PARD3B: variants seen among roughly 807,000 people sequenced by gnomAD.
The protein encoded by PARD3B is par-3 family cell polarity regulator beta.
Under a neutral mutation model 130.2 loss-of-function variants are expected in PARD3B, and 103 were observed. That is an observed-to-expected ratio of 0.79 (90% confidence interval 0.67 to 0.93). PARD3B has a LOEUF of 0.93. Ranked by LOEUF, PARD3B falls within the 40% of genes least tolerant of loss-of-function variation. The pLI is 0.00. For synonymous variants in PARD3B, 583 were observed against 553.2 expected, an observed-to-expected ratio of 1.05 and a Z score of -0.76; for missense variants, 1,609 against 1,499.2, an observed-to-expected ratio of 1.07 and a Z score of -1.21.
At chr2:205,359,297 A>C (rs1290236718) in intron 18 of PARD3B, among the ~76,000 whole-genome samples, 1 of 152,206 alleles carries the variant, frequency 6.6e-6, no homozygotes, top group Non-Finnish European at 1.5e-5. Context: ...AAATCACTTG[A>C]ATTTCTCTAG....
chr2:205,086,198 G>T (rs557705442), intron 4 of PARD3B, among the ~76,000 whole-genome samples: 127 of 152,220 alleles, frequency 8.3e-4, no homozygotes, highest in Non-Finnish European at 1.6e-3. Context: ...TGTTATTTTA[G>T]TGAAGCCTTC....
At chr2:205,024,366 G>A (rs1440146477) in intron 3 of PARD3B, among the ~76,000 whole-genome samples, 2 of 151,490 alleles carry the variant, frequency 1.3e-5, no homozygotes, top group African/African-American at 2.4e-5. Flanking sequence ...ATGGGGTTTT[G>A]CCATGTTGGG....
chr2:204,644,983 C>T (rs1395133823), intron 1 of PARD3B, among the ~76,000 whole-genome samples: 1 of 151,948 alleles, frequency 6.6e-6, no homozygotes, highest in Non-Finnish European at 1.5e-5. Flanking sequence ...AGTTGTTGAC[C>T]AAAGTACATT....
At chr2:204,759,780 A>G (rs1257538042) in intron 2 of PARD3B, among the ~76,000 whole-genome samples, 3 of 152,086 alleles carry the variant, frequency 2.0e-5, no homozygotes, top group Admixed American at 2.0e-4. Context: ...ATGTGATTAT[A>G]CCTGTTTTCT....
intron 6 of PARD3B, among the ~76,000 whole-genome samples, chr2:205,117,318 C>T (rs947125394): frequency 6.6e-6 from 1 of 152,220 alleles, no homozygotes; most frequent in Admixed American, 6.5e-5. Context: ...GACCCCACTG[C>T]ACACTTGTGC....
intron 1 of PARD3B, among the ~76,000 whole-genome samples, chr2:204,632,579 C>A (rs755556597): frequency 2.6e-5 from 4 of 152,188 alleles, no homozygotes; most frequent in African/African-American, 9.6e-5. Context: ...GCTCCATACC[C>A]TAGGTGCCTG....
chr2:205,245,899 G>C, intron 16 of PARD3B, 77 bp downstream of exon 16: 4 of 1,243,940 alleles, frequency 3.2e-6, no homozygotes, highest in Non-Finnish European at 4.7e-6. Context: ...GTTGGAACCT[G>C]TTTCTATCCA....
chr2:204,697,474 A>G (rs1315902728), intron 2 of PARD3B, among the ~76,000 whole-genome samples: 1 of 152,126 alleles, frequency 6.6e-6, no homozygotes, highest in Admixed American at 6.5e-5. Flanking sequence ...CAGCTTCTCA[A>G]TGAAGCACAT....
chr2:204,611,351 G>C (rs535809540), intron 1 of PARD3B, among the ~76,000 whole-genome samples: 3 of 152,264 alleles, frequency 2.0e-5, no homozygotes, highest in South Asian at 4.1e-4. Flanking sequence ...CCCTGTCTAA[G>C]AAAGTGGGGA....
intron 19 of PARD3B, among the ~76,000 whole-genome samples, chr2:205,429,934 A>G (rs576686557): frequency 1.3e-5 from 2 of 152,254 alleles, no homozygotes; most frequent in South Asian, 4.1e-4. Flanking sequence ...TTATAGACAC[A>G]TGGCTCCAAT....
chr2:205,330,612 G>A (rs1423869305), intron 18 of PARD3B, among the ~76,000 whole-genome samples: 5 of 152,136 alleles, frequency 3.3e-5, no homozygotes, highest in Non-Finnish European at 7.4e-5. Flanking sequence ...ATTTCTTTTG[G>A]GGCTACATTA....
chr2:204,997,414 T>C (rs1006317618), intron 3 of PARD3B, among the ~76,000 whole-genome samples: 2 of 152,226 alleles, frequency 1.3e-5, no homozygotes, highest in Non-Finnish European at 2.9e-5. Flanking sequence ...ACAACTTCTT[T>C]ATTGCCCTTC....
At chr2:204,956,289 A>C (rs1690230797) in intron 2 of PARD3B, among the ~76,000 whole-genome samples, 1 of 152,234 alleles carries the variant, frequency 6.6e-6, no homozygotes, top group African/African-American at 2.4e-5. Flanking sequence ...GCTAGAGAGA[A>C]GAAGTTGTAG....
intron 4 of PARD3B, among the ~76,000 whole-genome samples, chr2:205,066,108 A>C (rs955907532): frequency 6.6e-6 from 1 of 152,164 alleles, no homozygotes; most frequent in African/African-American, 2.4e-5. Flanking sequence ...AATGTATCTC[A>C]TGTAACTAAC....
chr2:204,762,028 T>A (rs960752865), intron 2 of PARD3B, among the ~76,000 whole-genome samples: 2 of 151,960 alleles, frequency 1.3e-5, no homozygotes, highest in Non-Finnish European at 2.9e-5. Context: ...CTTCTTGCCA[T>A]TGAGCCCACA....
intron 10 of PARD3B, among the ~76,000 whole-genome samples, chr2:205,139,208 C>T (rs915702812): frequency 2.6e-5 from 4 of 151,750 alleles, no homozygotes; most frequent in Admixed American, 2.0e-4. Flanking sequence ...AAAGGCTCAA[C>T]GTGCAGGCAC....
intron 3 of PARD3B, among the ~76,000 whole-genome samples, chr2:204,989,584 C>G (rs1195316428): frequency 2.0e-5 from 3 of 152,132 alleles, no homozygotes; most frequent in Admixed American, 1.3e-4. Flanking sequence ...CTAATTCCAT[C>G]TATTTCACTT....
chr2:204,909,744 CTTAG>C (rs1425833174), intron 2 of PARD3B, among the ~76,000 whole-genome samples: 1 of 152,112 alleles, frequency 6.6e-6, no homozygotes, highest in Non-Finnish European at 1.5e-5. Flanking sequence ...GGAAGTCTCA[CTTAG>C]TTTGTATAAA....
intron 4 of PARD3B, among the ~76,000 whole-genome samples, chr2:205,062,610 T>TG (rs1166757574): frequency 1.3e-5 from 2 of 152,052 alleles, no homozygotes; most frequent in Non-Finnish European, 2.9e-5. Flanking sequence ...CAGTAGCATG[T>TG]GGTAGGTATT....
Sources: allele counts gnomAD v4.1 joint callset (sites outside exome capture counted in the v4.1 genomes callset), GRCh38; gene constraint gnomAD v4.1.1; transcripts MANE v1.5; gene names NCBI Gene and HGNC (gene_info 2026-07-23, HGNC 2026-07-21).